VEGFC: variants seen among roughly 807,000 people sequenced by gnomAD.
The protein encoded by VEGFC is vascular endothelial growth factor C.
In VEGFC, 12 loss-of-function variants were observed where a neutral mutation model predicts 46.1. That is an observed-to-expected ratio of 0.26 (90% CI 0.17 to 0.42). The LOEUF (loss-of-function observed/expected upper bound fraction) is 0.42. Ranked by LOEUF, VEGFC falls within the 10% of genes least tolerant of loss-of-function variation. The probability of loss-of-function intolerance (pLI) is 1.00; values close to 1 mark genes in which losing one functional copy is unlikely to be tolerated. For synonymous variants in VEGFC, 232 were observed against 195.5 expected, an observed-to-expected ratio of 1.19 and a Z score of -1.56; for missense variants, 488 against 529.4, an observed-to-expected ratio of 0.92 and a Z score of 0.77.
intron 1 of VEGFC, among the ~76,000 whole-genome samples, chr4:176,752,729 A>G (rs1488267548): frequency 6.6e-6 from 1 of 152,112 alleles, no homozygotes. Flanking sequence ...ATCACACATA[A>G]CTAAGAAATA....
chr4:176,742,693 A>G (rs1400424569), intron 1 of VEGFC, among the ~76,000 whole-genome samples: 7 of 152,034 alleles, frequency 4.6e-5, no homozygotes, highest in Non-Finnish European at 1.0e-4. Flanking sequence ...AAAATGCTTA[A>G]TATGTTTCAA....
rs531390083 is a variant in VEGFC at position 176,717,861 on chromosome 4, C to G, written c.553-6211G>C. 3.9e-4 allele frequency among the ~76,000 whole-genome samples: 60 copies of G among 152,180 alleles called. No individual in the cohort carries two copies. In the South Asian group the frequency reaches 6.2e-3, roughly 16 times the overall value. ...ATGGGAAAAGGTCTTAGCATTTTGA[C>G]TTAGCATTGCAACCACATGGCCAGC... is the stretch of plus-strand genomic sequence containing the variant. On this transcript the variant is annotated intron_variant, in intron 3 of 6. Coordinates refer to ENST00000618562, the MANE Select transcript of VEGFC (RefSeq NM_005429.5).
chr4:176,706,455 C>CA (rs1255947548), intron 4 of VEGFC, among the ~76,000 whole-genome samples: 1 of 151,636 alleles, frequency 6.6e-6, no homozygotes, highest in African/African-American at 2.4e-5. Flanking sequence ...GGTGAAACCC[C>CA]ATCTCTACTA....
chr4:176,792,373 GC>G lies in VEGFC; in HGVS notation c.-63del. On this transcript the variant is annotated 5_prime_UTR_variant, in exon 1 of 7. Transcript: ENST00000618562. The surrounding 1 kb of genome is among the most constrained non-coding windows in gnomAD (Gnocchi z 6.3). The stretch of plus-strand genomic sequence containing the variant: ...CGGGGGCAGGGGTGGGGGCGCGGGC[GC>G]CCCTGCGAGGCCGCGGGCCCCTCCT... 7.6e-7 allele frequency: 1 copy of G among 1,308,650 alleles called. No individual in the cohort carries two copies. Among genetic ancestry groups the G allele is most frequent in the Non-Finnish European group, 1.0e-6 (1 of 1,003,374 alleles). The allele number at this position is 1,308,650 out of a possible 1,614,324, so 81.1% of individuals were successfully genotyped here.
chr4:176,693,780 C>T (rs1290062245), intron 4 of VEGFC, among the ~76,000 whole-genome samples: 10 of 139,888 alleles, frequency 7.1e-5, no homozygotes, highest in African/African-American at 3.2e-5. Context: ...GAGGATCTCT[C>T]GGCAGAAACC....
rs749126655 is a variant in VEGFC at position 176,729,605 on chromosome 4, C to A, written c.289G>T (p.Ala97Ser). The change falls in exon 2 of 7, where the codon GCC becomes TCC. Residue 97 changes from alanine (A) to serine (S), a missense_variant. Ala to Ser is a moderately conservative substitution (Grantham distance 99). Coordinates refer to ENST00000618562, the MANE Select transcript of VEGFC (RefSeq NM_005429.5). ...KGGWQHNREQ[A>S]NLNSRTEETI... ...TCTTCTGTCCTTGAGTTGAGGTTGG[C>A]CTGTTCTCTGTTATGTTGCCAGCCT... 61 of 1,613,652 alleles carry A rather than the reference C, an allele frequency of 3.8e-5. No individual in the cohort carries two copies. Among genetic ancestry groups the A allele is most frequent in the Non-Finnish European group, 4.6e-5 (54 of 1,179,912 alleles).
chr4:176,722,828 T>A (rs1361152569), intron 3 of VEGFC, among the ~76,000 whole-genome samples: 1 of 151,936 alleles, frequency 6.6e-6, no homozygotes, highest in Non-Finnish European at 1.5e-5. Context: ...AGCCTAAACC[T>A]CTCCAACACC....
chr4:176,690,047 G>C (rs1172082351), intron 4 of VEGFC, among the ~76,000 whole-genome samples: 2 of 152,234 alleles, frequency 1.3e-5, no homozygotes, highest in South Asian at 2.1e-4. Flanking sequence ...TTAAGCAAGA[G>C]ATTCCTGCAC....
At chr4:176,715,086 GA>G (rs898566021) in intron 3 of VEGFC, among the ~76,000 whole-genome samples, 6 of 151,942 alleles carry the variant, frequency 3.9e-5, no homozygotes, top group Admixed American at 2.0e-4. Flanking sequence ...CAGTTGGAGA[GA>G]AAAAAATCTT....
At position 176,787,456 on chromosome 4, in the gene VEGFC, C is replaced by CAAA. The variant is rs11456080; in HGVS notation, c.147+4706_147+4708dup. Among the ~76,000 whole-genome samples the CAAA allele has an allele frequency of 2.5e-3, 288 of 114,140 alleles. 5 individuals carry two copies. The highest frequency in any genetic ancestry group is 3.9e-3 in the Admixed American group (40 of 10,166). 74.9% of individuals were successfully genotyped at this position (114,140 alleles called of 152,430 possible). On this transcript the variant is annotated intron_variant, in intron 1 of 6. Coordinates refer to ENST00000618562, the MANE Select transcript of VEGFC (RefSeq NM_005429.5). ...TGGGCAATAGAGCATGACCCTGTCT[C>CAAA]AAAAAAAAAAAAAAAAAGGAAAGAA...
intron 1 of VEGFC, among the ~76,000 whole-genome samples, chr4:176,782,820 T>C (rs1735939685): frequency 6.6e-6 from 1 of 152,202 alleles, no homozygotes; most frequent in African/African-American, 2.4e-5. Flanking sequence ...AAAAAAATTC[T>C]GTTTAAAAAT....
At chr4:176,702,784 C>G (rs1734456281) in intron 4 of VEGFC, among the ~76,000 whole-genome samples, 1 of 151,974 alleles carries the variant, frequency 6.6e-6, no homozygotes, top group Non-Finnish European at 1.5e-5. Flanking sequence ...TCTTGCTAAT[C>G]TGTAGTGTAT....
intron 4 of VEGFC, among the ~76,000 whole-genome samples, chr4:176,692,828 C>CT (rs1734228747): frequency 6.9e-6 from 1 of 144,920 alleles, no homozygotes; most frequent in Admixed American, 6.8e-5. Context: ...CCCTGACCCC[C>CT]GAGCAGCCTA....
In VEGFC at chr4:176,792,387, GCGGGCCCCTCCTGGTCCCTCTCCCC is replaced by G; in HGVS notation, c.-101_-77del. 1 of 1,212,734 alleles carries G rather than the reference GCGGGCCCCTCCTGGTCCCTCTCCCC, an allele frequency of 8.2e-7. No individual in the cohort carries two copies. 75.1% of individuals were successfully genotyped at this position (1,212,734 alleles called of 1,614,324 possible). A position where few individuals can be genotyped will look rare whatever the true frequency, so the allele number is the denominator to read the frequency against. ...GGGGCGCGGGCGCCCCTGCGAGGCC[GCGGGCCCCTCCTGGTCCCTCTCCCC>G]CGGGCTCCTCCCGGCGACCCCCCCT... On this transcript the variant is annotated 5_prime_UTR_variant, in exon 1 of 7. Coordinates refer to ENST00000618562, the MANE Select transcript of VEGFC (RefSeq NM_005429.5). This position sits in a 1 kb window ranked among gnomAD's most constrained non-coding sequence, Gnocchi z 6.3.
chr4:176,687,940 C>G lies in VEGFC; in HGVS notation c.705-13G>C, dbSNP rs910165889. 1.3e-6 allele frequency: 2 copies of G among 1,570,372 alleles called. No individual in the cohort carries two copies. Among genetic ancestry groups the G allele is most frequent in the Non-Finnish European group, 1.7e-6 (2 of 1,143,896 alleles). ...CGCTGCCTGACACCTTTGGAAGAAA[C>G]AGACGAGGTTTAGCAATGGTGTAAC... On this transcript the variant is annotated splice_polypyrimidine_tract_variant and intron_variant, in intron 4 of 6. Transcript: ENST00000618562.
At chr4:176,720,961 T>C (rs1274671090) in intron 3 of VEGFC, among the ~76,000 whole-genome samples, 1 of 151,300 alleles carries the variant, frequency 6.6e-6, no homozygotes, top group Non-Finnish European at 1.5e-5. Context: ...TAACAGAATG[T>C]CCTGGAAGTC....
At chr4:176,764,814 A>G (rs1390196957) in intron 1 of VEGFC, among the ~76,000 whole-genome samples, 1 of 152,236 alleles carries the variant, frequency 6.6e-6, no homozygotes, top group African/African-American at 2.4e-5. Flanking sequence ...CTAGACAGTT[A>G]TAATTTTTAA....
intron 6 of VEGFC, among the ~76,000 whole-genome samples, chr4:176,685,570 A>AT (rs1734025101): frequency 6.6e-6 from 1 of 152,076 alleles, no homozygotes; most frequent in Non-Finnish European, 1.5e-5. Context: ...AATTCTGTAG[A>AT]AAAGTAGGTA....
chr4:176,722,524 C>G (rs1295868764), intron 3 of VEGFC, among the ~76,000 whole-genome samples: 1 of 136,504 alleles, frequency 7.3e-6, no homozygotes, highest in Admixed American at 8.0e-5. Context: ...GAGGCAGGGT[C>G]TGGCTCTGTC....
Sources: gnomAD v4.1 joint callset for allele counts (sites outside exome capture counted in the v4.1 genomes callset) on GRCh38, gnomAD v4.1.1 for gene constraint, Gnocchi (gnomAD v3.1) non-coding constraint, MANE v1.5 for transcripts, NCBI Gene and HGNC (gene_info 2026-07-23, HGNC 2026-07-21) for gene names.